The following PTPRQ variants were observed in gnomAD, a reference collection of about 807,000 sequenced individuals.
PTPRQ encodes phosphatidylinositol phosphatase PTPRQ.
Under a neutral mutation model 246.0 loss-of-function variants are expected in PTPRQ, and 199 were observed. That is an observed-to-expected ratio of 0.81 (90% confidence interval 0.72 to 0.91). The LOEUF is 0.91. Ranked by LOEUF, PTPRQ falls within the 40% of genes least tolerant of loss-of-function variation. The pLI is 0.00. For synonymous variants in PTPRQ, 869 were observed against 853.2 expected (o/e 1.02, Z -0.32); for missense variants, 2,624 against 2,528.4 (o/e 1.04, Z -0.81).
intron 6 of PTPRQ, among the ~76,000 whole-genome samples, 189 bp downstream of exon 6, chr12:80,461,091 T>C (rs752066321): frequency 1.3e-5 from 2 of 152,204 alleles, no homozygotes. Flanking sequence ...AAAATAAGTA[T>C]TTGAAAGGAG....
Position 80,584,883 on chromosome 12 carries a change from A to AT in PTPRQ, c.4286-3238dup, listed in dbSNP as rs893603800. Reference sequence around the variant, plus strand: ...AAAACTTCTTCCTCTATAAATTTACATTTTTTTTCCCTAAAGATAGTGTTT... The same window carrying AT: ...AAAACTTCTTCCTCTATAAATTTACATTTTTTTTTCCCTAAAGATAGTGTTT... On this transcript the variant is annotated intron_variant, in intron 25 of 44. Transcript: ENST00000644991. 5.5e-4 allele frequency among the ~76,000 whole-genome samples: 83 copies of AT among 151,892 alleles called. 1 individual carries two copies. Among genetic ancestry groups the AT allele is most frequent in the African/African-American group, 1.9e-3 (79 of 41,428 alleles).
Position 80,542,417 on chromosome 12 carries a change from C to G in PTPRQ, c.3721+53C>G, listed in dbSNP as rs1592634319. ...CAATTTCACTGTTGCAGCGCCTGCT[C>G]TCTCTTTTTAAGGAACAGCATGGAA... is the stretch of plus-strand genomic sequence containing the variant. On this transcript the variant is annotated intron_variant, in intron 22 of 44. Transcript: ENST00000644991. 16 of 1,504,210 alleles carry G rather than the reference C, an allele frequency of 1.1e-5. No individual in the cohort carries two copies. The East Asian group carries it at 3.5e-4, about 33-fold the overall frequency. 93.2% of individuals were successfully genotyped at this position (1,504,210 alleles called of 1,614,324 possible). A position where few individuals can be genotyped will look rare whatever the true frequency, so the allele number is the denominator to read the frequency against.
At chr12:80,678,816 T>C in intron 44 of PTPRQ, 91 bp downstream of exon 44, 1 of 1,451,258 alleles carries the variant, frequency 6.9e-7, no homozygotes, top group Non-Finnish European at 9.1e-7. Flanking sequence ...TTAAAAATGT[T>C]TAAGAAGCTG....
intron 25 of PTPRQ, among the ~76,000 whole-genome samples, chr12:80,570,953 T>A (rs910845490): frequency 6.6e-6 from 1 of 152,226 alleles, no homozygotes; most frequent in African/African-American, 2.4e-5. Flanking sequence ...TATATCTGTT[T>A]GGTACCAGTA....
intron 3 of PTPRQ, among the ~76,000 whole-genome samples, chr12:80,450,833 A>G (rs1892737577): frequency 6.6e-6 from 1 of 152,164 alleles, no homozygotes; most frequent in African/African-American, 2.4e-5. Flanking sequence ...ATTGGTCTAA[A>G]ATTCTCTTTT....
chr12:80,536,364 A>G (rs1434622047), intron 19 of PTPRQ, among the ~76,000 whole-genome samples: 8 of 152,200 alleles, frequency 5.3e-5, no homozygotes, highest in African/African-American at 1.4e-4. Context: ...TAGTGCAGCT[A>G]TAGTGCAATG....
At chr12:80,663,020 A>G (rs985838695) in intron 39 of PTPRQ, among the ~76,000 whole-genome samples, 2 of 151,994 alleles carry the variant, frequency 1.3e-5, no homozygotes, top group Non-Finnish European at 2.9e-5. Context: ...GTGCTTTACC[A>G]TTTTCTGAAA....
Position 80,674,799 on chromosome 12 carries a change from C to T in PTPRQ, c.6738+1495C>T, listed in dbSNP as rs1901082850. On this transcript the variant is annotated intron_variant, in intron 43 of 44. Transcript: ENST00000644991. ...TCTCTTTTGATAGTGGTTTTAAGTA[C>T]ATATTTTACATTTTTATGCTTTTTT... Among the ~76,000 whole-genome samples, 3 of 152,146 alleles carry T rather than the reference C, an allele frequency of 2.0e-5. No homozygotes were observed. The South Asian group carries it at 6.2e-4, about 32-fold the overall frequency.
At chr12:80,499,243 ACAAT>A (rs1324224886) in intron 14 of PTPRQ, among the ~76,000 whole-genome samples, 1 of 152,010 alleles carries the variant, frequency 6.6e-6, no homozygotes, top group Non-Finnish European at 1.5e-5. Flanking sequence ...GCCAGGCCTA[ACAAT>A]CAGAGTATAG....
At chr12:80,507,591 T>G (rs1895002167) in intron 16 of PTPRQ, among the ~76,000 whole-genome samples, 1 of 151,942 alleles carries the variant, frequency 6.6e-6, no homozygotes. Context: ...TTCAAATCCC[T>G]CTTCTCTTTT....
chr12:80,539,059 G>T (rs1392757213), intron 19 of PTPRQ, among the ~76,000 whole-genome samples: 2 of 151,934 alleles, frequency 1.3e-5, no homozygotes, highest in African/African-American at 2.4e-5. Flanking sequence ...TTTTATTTTA[G>T]AATTAATTTT....
intron 40 of PTPRQ, 95 bp downstream of exon 40, chr12:80,669,236 T>C (rs1900887967): frequency 3.9e-6 from 6 of 1,527,990 alleles, no homozygotes; most frequent in Non-Finnish European, 5.3e-6. Flanking sequence ...ATCAATAACC[T>C]GGACATCTAT....
intron 28 of PTPRQ, among the ~76,000 whole-genome samples, chr12:80,610,874 T>C (rs1280187924): frequency 6.6e-6 from 1 of 150,524 alleles, no homozygotes; most frequent in African/African-American, 2.4e-5. Context: ...CCGCTGTATT[T>C]CTTTGCACTT....
chr12:80,544,327 TA>T (rs140717952), intron 23 of PTPRQ, among the ~76,000 whole-genome samples: 4,110 of 152,234 alleles, frequency 0.027, 196 homozygotes, highest in African/African-American at 0.094. Flanking sequence ...ACACAGTTTT[TA>T]AAAGAACAAA....
At chr12:80,553,706 A>G (rs879005104) in intron 25 of PTPRQ, among the ~76,000 whole-genome samples, 2 of 152,264 alleles carry the variant, frequency 1.3e-5, no homozygotes, top group Admixed American at 1.3e-4. Flanking sequence ...TTCCCTTGTC[A>G]CAGTCAGATA....
chr12:80,516,898 AG>A (rs1386322562), intron 17 of PTPRQ, among the ~76,000 whole-genome samples: 1 of 152,214 alleles, frequency 6.6e-6, no homozygotes, highest in Non-Finnish European at 1.5e-5. Context: ...GACTGTCAAG[AG>A]TTTGACAAGT....
At chr12:80,632,131 T>C (rs1758196676) in intron 33 of PTPRQ, 61 bp from the exon 34 acceptor site, 9 of 1,510,804 alleles carry the variant, frequency 6.0e-6, no homozygotes, top group Admixed American at 4.5e-5. Context: ...TTTTGGTAGT[T>C]TGGGATTCAA....
intron 17 of PTPRQ, among the ~76,000 whole-genome samples, chr12:80,514,282 A>T (rs929742069): frequency 1.3e-5 from 2 of 151,168 alleles, no homozygotes; most frequent in Admixed American, 1.3e-4. Context: ...TAATTGTAAA[A>T]CTCTGTGGTC....
chr12:80,575,973 G>T (rs1166780370), intron 25 of PTPRQ, among the ~76,000 whole-genome samples: 1 of 151,802 alleles, frequency 6.6e-6, no homozygotes, highest in Non-Finnish European at 1.5e-5. Flanking sequence ...TTGAGCCTTT[G>T]TTCTCATTGT....
Sources: gnomAD v4.1 joint callset for allele counts (sites outside exome capture counted in the v4.1 genomes callset) on GRCh38, gnomAD v4.1.1 for gene constraint, MANE v1.5 for transcripts, NCBI Gene and HGNC (gene_info 2026-07-23, HGNC 2026-07-21) for gene names.